GGA3: variants seen among roughly 807,000 people sequenced by gnomAD.
The protein encoded by GGA3 is ADP-ribosylation factor-binding protein GGA3.
GGA3 carries 57 observed loss-of-function variants against 77.5 expected under a neutral mutation model. That is an observed-to-expected ratio of 0.74 (90% CI 0.59 to 0.92). GGA3 has a LOEUF of 0.92. Among genes scored for constraint, GGA3 ranks in the 40% least tolerant of loss-of-function variants. The probability of loss-of-function intolerance (pLI) is 0.00; values close to 1 mark genes in which losing one functional copy is unlikely to be tolerated. For synonymous variants in GGA3, 416 were observed against 383.7 expected, an observed-to-expected ratio of 1.08 and a Z score of -0.98; for missense variants, 970 against 914.9, an observed-to-expected ratio of 1.06 and a Z score of -0.78.
At chr17:75,241,260 G>T in intron 10 of GGA3, 140 bp downstream of exon 10, 1 of 779,878 alleles carries the variant, frequency 1.3e-6, no homozygotes, top group Non-Finnish European at 2.1e-6. Context: ...CCGGGAAGCC[G>T]GAGGATTGCT....
chr17:75,237,403 G>T lies in GGA3; in HGVS notation c.*876C>A. 2 of 1,285,242 alleles carry T rather than the reference G, an allele frequency of 1.6e-6. No individual in the cohort carries two copies. The highest frequency in any genetic ancestry group is 2.5e-5 in the South Asian group (2 of 79,050). 79.6% of individuals were successfully genotyped at this position (1,285,242 alleles called of 1,614,324 possible). A position where few individuals can be genotyped will look rare whatever the true frequency, so the allele number is the denominator to read the frequency against. On this transcript the variant is annotated 3_prime_UTR_variant, in exon 17 of 17. Coordinates refer to ENST00000537686, the MANE Select transcript of GGA3 (RefSeq NM_138619.4). ...AGAGGAGAGGGAGGCCAAAGCAGTA[G>T]GATGTAGAGTGGCGGTAGATTCCAA... is the stretch of plus-strand genomic sequence containing the variant.
At chr17:75,239,610 A>C (rs374157506) in intron 13 of GGA3, 39 bp from the exon 14 acceptor site, 219 of 1,514,202 alleles carry the variant, frequency 1.4e-4, no homozygotes, top group Non-Finnish European at 1.7e-4. Flanking sequence ...TCAGAGAGCC[A>C]GCCAGAGCTG....
intron 1 of GGA3, among the ~76,000 whole-genome samples, chr17:75,259,955 C>T (rs1471256041): frequency 6.6e-6 from 1 of 152,054 alleles, no homozygotes; most frequent in Non-Finnish European, 1.5e-5. Flanking sequence ...TGAGACCATC[C>T]TGGGCAACAC....
chr17:75,257,460 T>C (rs1219624401), intron 1 of GGA3, among the ~76,000 whole-genome samples: 2 of 152,136 alleles, frequency 1.3e-5, no homozygotes, highest in Non-Finnish European at 2.9e-5. Context: ...CACTCTTAAC[T>C]CTTGAAGTAA....
chr17:75,239,489 C>A lies in GGA3; in HGVS notation c.1666G>T (p.Gly556Trp), dbSNP rs762684898. 44 of 1,578,410 alleles carry A rather than the reference C, an allele frequency of 2.8e-5. No individual in the cohort carries two copies. Among genetic ancestry groups the A allele is most frequent in the Non-Finnish European group, 3.6e-5 (42 of 1,168,952 alleles). The stretch of plus-strand genomic sequence containing the variant: ...GGCTGGAAGAGCGGGCTGCCGGGCC[C>A]CGTGGAGAAGGGCAGGAGGGGCCTG... Reference protein sequence around the residue: ...PARPLLPFSTGPGSPLFQPLS... With the variant: ...PARPLLPFSTWPGSPLFQPLS... Residue 556 changes from glycine (G) to tryptophan (W), a missense_variant, in exon 14 of 17, where the codon GGG (glycine) becomes TGG (tryptophan). Coordinates refer to ENST00000537686, the MANE Select transcript of GGA3 (RefSeq NM_138619.4).
Position 75,237,880 on chromosome 17 carries a change from TGTG to T in GGA3, c.*396_*398del. 1 of 1,380,002 alleles carries T rather than the reference TGTG, an allele frequency of 7.2e-7. No homozygotes were observed. Among genetic ancestry groups the T allele is most frequent in the Non-Finnish European group, 9.3e-7 (1 of 1,070,678 alleles). The allele number at this position is 1,380,002 out of a possible 1,614,324, so 85.5% of individuals were successfully genotyped here. A position where few individuals can be genotyped will look rare whatever the true frequency, so the allele number is the denominator to read the frequency against. ...CTGTCAGGTGTGAGGATGTGGCTCT[TGTG>T]GGGAATGACCCATGACAGTCTCTCT... is the stretch of plus-strand genomic sequence containing the variant. On this transcript the variant is annotated 3_prime_UTR_variant, in exon 17 of 17. Transcript: ENST00000537686.
chr17:75,237,702 C>T lies in GGA3; in HGVS notation c.*577G>A, dbSNP rs1360917283. On this transcript the variant is annotated 3_prime_UTR_variant, in exon 17 of 17. Coordinates refer to ENST00000537686, the MANE Select transcript of GGA3 (RefSeq NM_138619.4). ...GTGGCCATTCCAGGACGATGCTGTC[C>T]ACCAGAGGCAGGGCTGGGGACTTTG... 2 of 1,454,074 alleles carry T rather than the reference C, an allele frequency of 1.4e-6. No homozygotes were observed. The highest frequency in any genetic ancestry group is 1.4e-5 in the African/African-American group (1 of 70,776). The allele number at this position is 1,454,074 out of a possible 1,614,324, so 90.1% of individuals were successfully genotyped here. A position where few individuals can be genotyped will look rare whatever the true frequency, so the allele number is the denominator to read the frequency against.
Position 75,237,827 on chromosome 17 carries a change from C to T in GGA3, c.*452G>A. Reference sequence around the variant, plus strand: ...TGGCGGGGGAAGCATGGAATTGCAACAGGGCTGCAGCCCCTTGGGCCGTGC... The same window carrying T: ...TGGCGGGGGAAGCATGGAATTGCAATAGGGCTGCAGCCCCTTGGGCCGTGC... On this transcript the variant is annotated 3_prime_UTR_variant, in exon 17 of 17. Transcript: ENST00000537686. The T allele has an allele frequency of 7.0e-7, 1 of 1,428,728 alleles. No individual in the cohort carries two copies. Among genetic ancestry groups the T allele is most frequent in the Non-Finnish European group, 9.1e-7 (1 of 1,096,748 alleles). The allele number at this position is 1,428,728 out of a possible 1,614,324, so 88.5% of individuals were successfully genotyped here.
Position 75,241,522 on chromosome 17 carries a change from G to C in GGA3, c.830-6C>G, listed in dbSNP as rs1387336509. The stretch of plus-strand genomic sequence containing the variant: ...ACTGGCTTGCAGGATGTCCCCTGGA[G>C]CAGGAAAGAGAGACTTCTCACTCCT... On this transcript the variant is annotated splice_region_variant and splice_polypyrimidine_tract_variant and intron_variant, in intron 9 of 16. Transcript: ENST00000537686. The C allele has an allele frequency of 6.2e-7, 1 of 1,607,784 alleles. No homozygotes were observed. Among genetic ancestry groups the C allele is most frequent in the Admixed American group, 1.7e-5 (1 of 60,002 alleles).
At position 75,241,496 on chromosome 17, in the gene GGA3, C is replaced by T; in HGVS notation, c.850G>A (p.Asp284Asn). 6.2e-7 allele frequency: 1 copy of T among 1,613,768 alleles called. No homozygotes were observed. Among genetic ancestry groups the T allele is most frequent in the Admixed American group, 1.7e-5 (1 of 60,030 alleles). Residue 284 changes from aspartate to asparagine, a missense_variant, in exon 10 of 17, where the codon GAC (aspartate) becomes AAC (asparagine). Transcript: ENST00000537686. The part of the protein sequence containing the change: ...NSLGDILQAS[D>N]NLSRVINSYK... ...GAGTTGATGACCCGGGAGAGGTTGT[C>T]ACTGGCTTGCAGGATGTCCCCTGGA...
intron 1 of GGA3, among the ~76,000 whole-genome samples, chr17:75,257,813 CTATTT>C (rs1333308983): frequency 6.6e-6 from 1 of 152,148 alleles, no homozygotes; most frequent in Non-Finnish European, 1.5e-5. Context: ...CACTTCAACA[CTATTT>C]TGTTTTATTT....
chr17:75,259,606 G>A (rs780193642), intron 1 of GGA3, among the ~76,000 whole-genome samples: 12 of 152,140 alleles, frequency 7.9e-5, no homozygotes, highest in Admixed American at 1.3e-4. Flanking sequence ...ACACAAGTGC[G>A]CTTCTGGGAG....
upstream of GGA3, chr17:75,261,782 T>C: frequency 8.2e-7 from 1 of 1,213,122 alleles, no homozygotes; most frequent in Non-Finnish European, 1.1e-6. Flanking sequence ...AACTCTAACG[T>C]CCAGATCAGT....
chr17:75,261,710 C>T, upstream of GGA3: 2 of 1,160,042 alleles, frequency 1.7e-6, no homozygotes. Flanking sequence ...CGCCAGACTG[C>T]GACGGATACA....
At chr17:75,256,951 A>C (rs113850372) in intron 1 of GGA3, among the ~76,000 whole-genome samples, 1 of 147,506 alleles carries the variant, frequency 6.8e-6, no homozygotes, top group Non-Finnish European at 1.5e-5. Context: ...TAGCCTTCCC[A>C]CCTCTATACA....
chr17:75,243,712 C>T (rs1394747874), intron 4 of GGA3, 142 bp from the exon 5 acceptor site: 4 of 761,360 alleles, frequency 5.3e-6, no homozygotes, highest in East Asian at 2.7e-5. Context: ...GTGTGTGAGA[C>T]AGCGTGGGGA....
At chr17:75,255,955 C>T (rs2077137984) in intron 1 of GGA3, among the ~76,000 whole-genome samples, 2 of 152,308 alleles carry the variant, frequency 1.3e-5, no homozygotes, top group Admixed American at 6.5e-5. Context: ...CAGACAGCCC[C>T]CATTACTTCA....
At chr17:75,260,323 C>T (rs764424985) in intron 1 of GGA3, among the ~76,000 whole-genome samples, 39 of 152,082 alleles carry the variant, frequency 2.6e-4, no homozygotes, top group Non-Finnish European at 4.9e-4. Flanking sequence ...TCAGGATGTC[C>T]TCTTTTTGTG....
At chr17:75,256,205 C>G (rs1433018090) in intron 1 of GGA3, among the ~76,000 whole-genome samples, 4 of 152,218 alleles carry the variant, frequency 2.6e-5, no homozygotes, top group Admixed American at 2.6e-4. Flanking sequence ...GCCTAGCCCT[C>G]ATGTCTGCTT....
Sources: gnomAD v4.1 joint callset for allele counts (sites outside exome capture counted in the v4.1 genomes callset) on GRCh38, gnomAD v4.1.1 for gene constraint, MANE v1.5 for transcripts, NCBI Gene and HGNC (gene_info 2026-07-23, HGNC 2026-07-21) for gene names.